Variants in AFTPH observed in about 807,000 individuals in gnomAD.
The protein encoded by AFTPH is aftiphilin protein.
AFTPH carries 7 observed loss-of-function variants against 72.5 expected under a neutral mutation model. That is an observed-to-expected ratio of 0.10 (90% CI 0.05 to 0.18). AFTPH has a LOEUF of 0.18. Ranked by LOEUF, AFTPH falls within the 10% of genes least tolerant of loss-of-function variation. AFTPH has a pLI of 1.00. For synonymous variants in AFTPH, 337 were observed against 370.1 expected, an observed-to-expected ratio of 0.91 and a Z score of 1.03; for missense variants, 979 against 1,060.5, an observed-to-expected ratio of 0.92 and a Z score of 1.07.
Position 64,582,152 on chromosome 2 carries a change from G to A in AFTPH, c.2455+2606G>A, listed in dbSNP as rs150561004. Among the ~76,000 whole-genome samples, 17 of 152,328 alleles carry A rather than the reference G, an allele frequency of 1.1e-4. No homozygotes were observed. The East Asian group carries it at 3.3e-3, about 29-fold the overall frequency. On this transcript the variant is annotated intron_variant, in intron 7 of 8. Coordinates refer to ENST00000238856, the Ensembl canonical transcript of AFTPH. ...ACAGCTGTTGGGGTGCCGTAGAGAT[G>A]CCCATGCCCAGAATGCATAGTGAGA...
chr2:64,590,847 T>C (rs1673788075), intron 8 of AFTPH, among the ~76,000 whole-genome samples: 1 of 152,204 alleles, frequency 6.6e-6, no homozygotes, highest in Non-Finnish European at 1.5e-5. Flanking sequence ...GTAGCTATCC[T>C]TCCTTTCTTG....
chr2:64,566,414 T>G (rs1672094864), intron 2 of AFTPH, among the ~76,000 whole-genome samples: 1 of 152,196 alleles, frequency 6.6e-6, no homozygotes, highest in Non-Finnish European at 1.5e-5. Context: ...GAAAATGTTA[T>G]GAAATTTTTT....
At chr2:64,559,542 GGCA>G (rs1671589713) in intron 2 of AFTPH, among the ~76,000 whole-genome samples, 1 of 152,132 alleles carries the variant, frequency 6.6e-6, no homozygotes, top group Non-Finnish European at 1.5e-5. Context: ...CTCAAAATCA[GGCA>G]GAAGTTCCTT....
At chr2:64,551,397 C>T in intron 1 of AFTPH, 46 bp from the exon 2 acceptor site, 2 of 1,401,902 alleles carry the variant, frequency 1.4e-6, no homozygotes, top group South Asian at 1.4e-5. Context: ...AGATCTTGTT[C>T]TATGTAATCT....
At chr2:64,552,954 A>G (rs1403116863) in exon 2 of AFTPH, 1 of 1,614,190 alleles carries the variant, frequency 6.2e-7, no homozygotes, top group Non-Finnish European at 8.5e-7. Flanking sequence ...AGAGGAGACA[A>G]TATTAACAAA....
chr2:64,530,762 C>T (rs1382708089), intron 1 of AFTPH, among the ~76,000 whole-genome samples: 1 of 151,988 alleles, frequency 6.6e-6, no homozygotes, highest in Non-Finnish European at 1.5e-5. Flanking sequence ...ACTAAATTTT[C>T]CTTAAAACAT....
intron 2 of AFTPH, among the ~76,000 whole-genome samples, chr2:64,563,819 G>T (rs1032054851): frequency 6.6e-6 from 1 of 152,112 alleles, no homozygotes; most frequent in Non-Finnish European, 1.5e-5. Context: ...TGTTGGTCAG[G>T]CTGGTCTCGA....
chr2:64,545,506 T>C (rs968027999), intron 1 of AFTPH, among the ~76,000 whole-genome samples: 3 of 130,370 alleles, frequency 2.3e-5, no homozygotes, highest in Non-Finnish European at 4.7e-5. Context: ...ACAACCAAAA[T>C]GTCCTTCAGC....
At chr2:64,570,078 G>A (rs377030856) in intron 5 of AFTPH, among the ~76,000 whole-genome samples, 6 of 152,248 alleles carry the variant, frequency 3.9e-5, no homozygotes, top group South Asian at 4.2e-4. Context: ...GTACATAAAA[G>A]CTTAGAAACA....
At chr2:64,588,439 A>G (rs1228204542) in intron 8 of AFTPH, among the ~76,000 whole-genome samples, 1 of 152,016 alleles carries the variant, frequency 6.6e-6, no homozygotes, top group Non-Finnish European at 1.5e-5. Context: ...GATGTTTCCA[A>G]CTCTGTTAGG....
At chr2:64,571,366 A>G (rs1573015838) in intron 5 of AFTPH, among the ~76,000 whole-genome samples, 1 of 152,190 alleles carries the variant, frequency 6.6e-6, no homozygotes, top group African/African-American at 2.4e-5. Flanking sequence ...GGGGATCACA[A>G]TTTGAGAACC....
At chr2:64,576,090 C>T (rs1199401282) in intron 6 of AFTPH, among the ~76,000 whole-genome samples, 3 of 102,670 alleles carry the variant, frequency 2.9e-5, no homozygotes, top group African/African-American at 2.4e-4. Flanking sequence ...CACACACACA[C>T]ACACACACAC....
intron 8 of AFTPH, among the ~76,000 whole-genome samples, chr2:64,591,152 G>A (rs900051046): frequency 6.6e-6 from 1 of 152,214 alleles, no homozygotes; most frequent in Non-Finnish European, 1.5e-5. Context: ...GGGTCACCAG[G>A]CATTTTCTTG....
chr2:64,542,360 C>G (rs934950162), intron 1 of AFTPH, among the ~76,000 whole-genome samples: 1 of 152,128 alleles, frequency 6.6e-6, no homozygotes, highest in African/African-American at 2.4e-5. Context: ...AGGGAATACC[C>G]TATATATTTC....
chr2:64,583,258 A>AGAACTT (rs1332540463), intron 7 of AFTPH, among the ~76,000 whole-genome samples: 2 of 151,890 alleles, frequency 1.3e-5, no homozygotes, highest in Admixed American at 1.3e-4. Flanking sequence ...AGGTTGGCAT[A>AGAACTT]GAACTTGGTT....
chr2:64,552,757 A>C, exon 2 of AFTPH: 1 of 1,614,194 alleles, frequency 6.2e-7, no homozygotes, highest in African/African-American at 1.3e-5. Flanking sequence ...AATGATATCA[A>C]TGAAGATGAT....
chr2:64,552,269 T>C (rs2103942078), exon 2 of AFTPH: 1 of 1,613,958 alleles, frequency 6.2e-7, no homozygotes, highest in East Asian at 2.2e-5. Flanking sequence ...GGGAAAACAA[T>C]AAAATTAATA....
chr2:64,533,961 G>A (rs1227636644), intron 1 of AFTPH, among the ~76,000 whole-genome samples: 1 of 152,106 alleles, frequency 6.6e-6, no homozygotes, highest in Non-Finnish European at 1.5e-5. Context: ...ACTTTTCAAA[G>A]CAAAACTCCT....
chr2:64,554,270 T>G (rs1209113044), intron 2 of AFTPH, among the ~76,000 whole-genome samples: 4 of 152,190 alleles, frequency 2.6e-5, no homozygotes, highest in African/African-American at 9.7e-5. Context: ...CCTAGAGGTG[T>G]AGCTTGATAT....
Sources: allele counts gnomAD v4.1 joint callset (sites outside exome capture counted in the v4.1 genomes callset), GRCh38; gene constraint gnomAD v4.1.1; transcripts MANE v1.5; gene names NCBI Gene and HGNC (gene_info 2026-07-23, HGNC 2026-07-21).